Variants in NRG2 observed in about 807,000 individuals in gnomAD.
The protein encoded by NRG2 is neuregulin 2.
Under a neutral mutation model 73.9 loss-of-function variants are expected in NRG2, and 27 were observed. The ratio of observed to expected loss-of-function variants is 0.37; its 90% CI spans 0.27 to 0.50. The LOEUF is 0.50. Ranked by LOEUF, NRG2 falls within the 20% of genes least tolerant of loss-of-function variation. The probability of loss-of-function intolerance (pLI) is 0.96; values close to 1 mark genes in which losing one functional copy is unlikely to be tolerated. For missense variants in NRG2, 1,126 were observed against 1,210.1 expected, an observed-to-expected ratio of 0.93 and a Z score of 1.03; for synonymous variants, 532 against 541.0, an observed-to-expected ratio of 0.98 and a Z score of 0.23.
chr5:139,894,119 C>A lies in NRG2; in HGVS notation c.701-6608G>T, dbSNP rs1038498993. 2.0e-5 allele frequency among the ~76,000 whole-genome samples: 3 copies of A among 152,190 alleles called. No individual in the cohort carries two copies. Among genetic ancestry groups the A allele is most frequent in the Admixed American group, 2.0e-4 (3 of 15,288 alleles). On this transcript the variant is annotated intron_variant, in intron 1 of 9. Transcript: ENST00000361474. The surrounding 1 kb of genome is among the most constrained non-coding windows in gnomAD (Gnocchi z 5.0). ...TCCTCTCGGCAGTGGGCGGTGGGTG[C>A]GGAGCCTACTCAGATCTGAGAGCAA...
At chr5:140,029,521 T>A (rs1449298845) in intron 1 of NRG2, among the ~76,000 whole-genome samples, 1 of 151,934 alleles carries the variant, frequency 6.6e-6, no homozygotes, top group African/African-American at 2.4e-5. Context: ...GGTTCATTAA[T>A]TTTCCCCAGG....
intron 1 of NRG2, among the ~76,000 whole-genome samples, chr5:139,890,300 T>C (rs559568546): frequency 2.0e-5 from 3 of 152,238 alleles, no homozygotes; most frequent in Admixed American, 1.3e-4. Flanking sequence ...TGTTCATGCA[T>C]GCAGTCTGTT....
At chr5:139,933,871 C>A (rs184621271) in intron 1 of NRG2, among the ~76,000 whole-genome samples, 1 of 152,120 alleles carries the variant, frequency 6.6e-6, no homozygotes, top group East Asian at 1.9e-4. Flanking sequence ...TTAAGAGATA[C>A]GTTTTTTGAC....
chr5:139,937,238 T>C (rs908232777), intron 1 of NRG2, among the ~76,000 whole-genome samples: 19 of 152,228 alleles, frequency 1.2e-4, no homozygotes, highest in Non-Finnish European at 2.8e-4. Context: ...AAAGAGATGA[T>C]CTTCATAGGT....
chr5:140,008,358 T>C lies in NRG2; in HGVS notation c.700+34012A>G, dbSNP rs1759073460. Among the ~76,000 whole-genome samples the C allele has an allele frequency of 6.6e-6, 1 of 152,214 alleles. No homozygotes were observed. Among genetic ancestry groups the C allele is most frequent in the Admixed American group, 6.5e-5 (1 of 15,288 alleles). The stretch of plus-strand genomic sequence containing the variant: ...TACTGGATAGCTGACCACACAACTG[T>C]TTGCTGCATTTATTCAACAAATATT... On this transcript the variant is annotated intron_variant, in intron 1 of 9. Coordinates refer to ENST00000361474, the MANE Select transcript of NRG2 (RefSeq NM_004883.3). The surrounding 1 kb of genome is among the most constrained non-coding windows in gnomAD (Gnocchi z 4.2).
chr5:139,914,652 T>C (rs899449899), intron 1 of NRG2, among the ~76,000 whole-genome samples: 4 of 152,228 alleles, frequency 2.6e-5, no homozygotes, highest in African/African-American at 9.6e-5. Flanking sequence ...CACCTGCCCA[T>C]TACATAACTC....
intron 1 of NRG2, among the ~76,000 whole-genome samples, chr5:139,983,354 G>C (rs1046627717): frequency 6.6e-6 from 1 of 152,198 alleles, no homozygotes; most frequent in Non-Finnish European, 1.5e-5. Flanking sequence ...AGTGCCCTGC[G>C]TCTGAGAGTG....
chr5:139,908,050 C>T (rs73791234), intron 1 of NRG2, among the ~76,000 whole-genome samples: 6,300 of 152,304 alleles, frequency 0.041, 462 homozygotes, highest in African/African-American at 0.14. Context: ...CTAGGAGTAA[C>T]GAGTCTTCTC....
intron 1 of NRG2, among the ~76,000 whole-genome samples, chr5:139,958,378 T>C (rs553237121): frequency 2.0e-5 from 3 of 152,192 alleles, no homozygotes; most frequent in Non-Finnish European, 4.4e-5. Flanking sequence ...TGATTTGAAA[T>C]CTCTCTTTTC....
chr5:139,851,706 G>A lies in NRG2; in HGVS notation c.1670C>T (p.Ala557Val). 1 of 1,614,198 alleles carries A rather than the reference G, an allele frequency of 6.2e-7. No homozygotes were observed. The highest frequency in any genetic ancestry group is 8.5e-7 in the Non-Finnish European group (1 of 1,180,042). Residue 557 changes from alanine to valine, a missense_variant, in exon 9 of 10, where the codon GCA becomes GTA. Physicochemically the swap from Ala to Val is moderately conservative, Grantham distance 64 (BLOSUM62 0). Transcript: ENST00000361474. The surrounding 1 kb of genome is among the most constrained non-coding windows in gnomAD (Gnocchi z 4.2). The stretch of plus-strand genomic sequence containing the variant: ...CAGGTTGTAGGCTGCTGCCCGCCTT[G>A]CCCGGGCCTCCACACATGCTGGGCT... ...CNSPACVEARARRAAAYNLEE... is the reference protein window; with the variant it reads ...CNSPACVEARVRRAAAYNLEE...
chr5:139,867,346 G>C (rs903723528), intron 4 of NRG2, among the ~76,000 whole-genome samples: 8 of 152,024 alleles, frequency 5.3e-5, no homozygotes, highest in Non-Finnish European at 4.4e-5. Context: ...ATTGGGGGGT[G>C]GTGGAGGGCT....
intron 1 of NRG2, among the ~76,000 whole-genome samples, chr5:140,005,424 TAGAC>T (rs1232680901): frequency 6.6e-6 from 1 of 152,158 alleles, no homozygotes; most frequent in African/African-American, 2.4e-5. Flanking sequence ...ACTATGAACA[TAGAC>T]TGGTCATGCT....
intron 1 of NRG2, among the ~76,000 whole-genome samples, chr5:140,002,762 C>T (rs539502640): frequency 7.2e-5 from 11 of 152,096 alleles, no homozygotes; most frequent in African/African-American, 2.4e-4. Context: ...CAGAATAGAC[C>T]GAAGAGGGGC....
intron 9 of NRG2, among the ~76,000 whole-genome samples, chr5:139,849,091 G>A (rs1761239713): frequency 6.6e-6 from 1 of 152,156 alleles, no homozygotes; most frequent in South Asian, 2.1e-4. Flanking sequence ...TAATACCGCA[G>A]CTCTGTAAGA....
At chr5:140,003,717 G>A (rs1330388591) in intron 1 of NRG2, among the ~76,000 whole-genome samples, 1 of 152,142 alleles carries the variant, frequency 6.6e-6, no homozygotes, top group Non-Finnish European at 1.5e-5. Context: ...TTTCAGCACT[G>A]TGGTTAAAAA....
In NRG2 at chr5:139,852,987, T is replaced by C; in HGVS notation, c.1333A>G (p.Met445Val). ...CTCCGGTTCTGATGGGCCGGGCACA[T>C]GTTCTGCCGGAGGTGGTTGTGCATC... The part of the protein sequence containing the change: ...KQMHNHLRQN[M>V]CPAHQNRSLA... The change falls in exon 7 of 10, where the codon ATG becomes GTG. Residue 445 changes from methionine (M) to valine (V), a missense_variant. Coordinates refer to ENST00000361474, the MANE Select transcript of NRG2 (RefSeq NM_004883.3). This position sits in a 1 kb window ranked among gnomAD's most constrained non-coding sequence, Gnocchi z 4.4. 2 of 1,613,348 alleles carry C rather than the reference T, an allele frequency of 1.2e-6. No individual in the cohort carries two copies. The highest frequency in any genetic ancestry group is 1.7e-6 in the Non-Finnish European group (2 of 1,179,732).
intron 1 of NRG2, among the ~76,000 whole-genome samples, chr5:139,946,799 G>A (rs1450337473): frequency 6.6e-6 from 1 of 152,026 alleles, no homozygotes; most frequent in Non-Finnish European, 1.5e-5. Context: ...TTAAAAATGG[G>A]TTTAATTTTT....
At chr5:140,016,996 C>T (rs1759837376) in intron 1 of NRG2, among the ~76,000 whole-genome samples, 1 of 152,082 alleles carries the variant, frequency 6.6e-6, no homozygotes, top group Admixed American at 6.5e-5. Flanking sequence ...GAGTGGCAGA[C>T]TTAAATGTGA....
intron 1 of NRG2, among the ~76,000 whole-genome samples, chr5:139,999,454 G>A (rs547439037): frequency 1.3e-5 from 2 of 152,258 alleles, no homozygotes; most frequent in Non-Finnish European, 1.5e-5. Flanking sequence ...TAATGCACCA[G>A]GCTCCTCAAT....
Sources: gnomAD v4.1 joint callset for allele counts (sites outside exome capture counted in the v4.1 genomes callset) on GRCh38, gnomAD v4.1.1 for gene constraint, Gnocchi (gnomAD v3.1) non-coding constraint, MANE v1.5 for transcripts, NCBI Gene and HGNC (gene_info 2026-07-23, HGNC 2026-07-21) for gene names.